SAMD5: variants seen among roughly 807,000 people sequenced by gnomAD.
SAMD5 encodes sterile alpha motif domain-containing protein 5.
In SAMD5, 13 loss-of-function variants were observed where a neutral mutation model predicts 11.3. The observed-to-expected ratio is 1.15, with a 90% CI of 0.75 to 1.83. The LOEUF is 1.83. Ranked by LOEUF, SAMD5 falls within the 40% of genes most tolerant of loss-of-function variation. The pLI, the probability that SAMD5 is intolerant of heterozygous loss-of-function variation, is 0.00. For synonymous variants in SAMD5, 129 were observed against 111.3 expected (o/e 1.16, Z -1.00); for missense variants, 255 against 239.1 (o/e 1.07, Z -0.44).
At chr6:147,909,563 T>TCTTCCTTC in the SAMD5 span, among the ~76,000 whole-genome samples, 10 of 48,958 alleles carry the variant, frequency 2.0e-4, no homozygotes, top group Admixed American at 4.3e-4. Flanking sequence ...CCATCTTTTT[T>TCTTCCTTC]CTTTCTTTCT....
the SAMD5 span, among the ~76,000 whole-genome samples, chr6:147,906,577 C>T: frequency 2.0e-5 from 3 of 152,166 alleles, no homozygotes; most frequent in African/African-American, 7.2e-5. Flanking sequence ...ATGCCCTTTC[C>T]CTGTTGATGC....
intron 1 of SAMD5, among the ~76,000 whole-genome samples, chr6:147,717,182 T>A (rs149707444): frequency 6.6e-6 from 1 of 152,220 alleles, no homozygotes; most frequent in Non-Finnish European, 1.5e-5. Context: ...CTAAAGTAGA[T>A]GCTCAACAAC....
At chr6:147,909,618 T>TTC in the SAMD5 span, among the ~76,000 whole-genome samples, 149 of 76,426 alleles carry the variant, frequency 1.9e-3, 8 homozygotes, top group African/African-American at 9.2e-3. Context: ...CTTTCTTTCT[T>TTC]TCTTTCTTTC....
chr6:147,869,817 A>G, the SAMD5 span, among the ~76,000 whole-genome samples: 3 of 151,748 alleles, frequency 2.0e-5, no homozygotes, highest in African/African-American at 7.3e-5. Flanking sequence ...CCCACTTCAG[A>G]CTCCTGAGTA....
chr6:147,767,989 A>G, the SAMD5 span, among the ~76,000 whole-genome samples: 2 of 152,220 alleles, frequency 1.3e-5, no homozygotes, highest in South Asian at 4.1e-4. Flanking sequence ...GTGGACAAGA[A>G]CAGGTTCTTT....
At chr6:147,626,154 C>G (rs775458602) in intron 1 of SAMD5, among the ~76,000 whole-genome samples, 1 of 152,096 alleles carries the variant, frequency 6.6e-6, no homozygotes. Context: ...CAGCAGCTCT[C>G]TTGTTGACAT....
the SAMD5 span, among the ~76,000 whole-genome samples, chr6:147,897,250 C>T: frequency 7.2e-5 from 11 of 152,128 alleles, no homozygotes; most frequent in African/African-American, 2.7e-4. Context: ...CAGGTTTAGA[C>T]ACAAACTAGA....
chr6:147,914,076 G>A, the SAMD5 span, among the ~76,000 whole-genome samples: 1 of 151,878 alleles, frequency 6.6e-6, no homozygotes, highest in Non-Finnish European at 1.5e-5. Context: ...CCCACAGGCC[G>A]CATACGGCCC....
intron 1 of SAMD5, among the ~76,000 whole-genome samples, chr6:147,644,437 A>G (rs1790366882): frequency 6.6e-6 from 1 of 152,150 alleles, no homozygotes; most frequent in African/African-American, 2.4e-5. Flanking sequence ...TTATTCTTAT[A>G]CTGTTTTGTG....
the SAMD5 span, among the ~76,000 whole-genome samples, chr6:147,878,197 C>T: frequency 6.6e-6 from 1 of 151,874 alleles, no homozygotes; most frequent in Non-Finnish European, 1.5e-5. Flanking sequence ...CTGGGAAGTC[C>T]AAGATCAAGA....
At chr6:147,737,322 A>C (rs1457901647) in exon 2 of SAMD5, 2 of 1,244,474 alleles carry the variant, frequency 1.6e-6, no homozygotes, top group Middle Eastern at 2.3e-4. Flanking sequence ...TCCAGGTATT[A>C]TTATGCCGCT....
At chr6:147,651,017 A>G (rs1179234956) in intron 1 of SAMD5, among the ~76,000 whole-genome samples, 1 of 152,212 alleles carries the variant, frequency 6.6e-6, no homozygotes, top group African/African-American at 2.4e-5. Flanking sequence ...ATAGAGTTGA[A>G]TAAATGGTAG....
intron 1 of SAMD5, among the ~76,000 whole-genome samples, chr6:147,517,240 G>T (rs1358702236): frequency 6.6e-6 from 1 of 152,244 alleles, no homozygotes; most frequent in Non-Finnish European, 1.5e-5. Context: ...ACATAGTGCT[G>T]GAGAGGTAGG....
At chr6:147,528,191 C>T (rs750058749) in intron 1 of SAMD5, among the ~76,000 whole-genome samples, 3 of 152,116 alleles carry the variant, frequency 2.0e-5, no homozygotes, top group Non-Finnish European at 2.9e-5. Flanking sequence ...ACTCAGGAAC[C>T]GGATAAACCA....
the SAMD5 span, among the ~76,000 whole-genome samples, chr6:147,897,001 G>A: frequency 6.6e-6 from 1 of 152,190 alleles, no homozygotes; most frequent in Non-Finnish European, 1.5e-5. Context: ...ATCCATGGTT[G>A]TCTGGAGGTG....
intron 1 of SAMD5, among the ~76,000 whole-genome samples, chr6:147,630,833 G>T (rs1370166991): frequency 1.3e-5 from 2 of 152,086 alleles, no homozygotes; most frequent in African/African-American, 4.8e-5. Flanking sequence ...TTCCTTTTCT[G>T]GTAGAGACAG....
At chr6:147,789,708 A>G in the SAMD5 span, among the ~76,000 whole-genome samples, 1 of 152,146 alleles carries the variant, frequency 6.6e-6, no homozygotes, top group Non-Finnish European at 1.5e-5. Context: ...TATTGTGTTT[A>G]GTCATCAGGT....
chr6:147,775,138 C>T, the SAMD5 span, among the ~76,000 whole-genome samples: 1 of 152,094 alleles, frequency 6.6e-6, no homozygotes, highest in Non-Finnish European at 1.5e-5. Context: ...TCTCAGTCCC[C>T]CAGGTTCACT....
intron 1 of SAMD5, among the ~76,000 whole-genome samples, chr6:147,736,319 A>T (rs112757545): frequency 0.012 from 1,846 of 152,318 alleles, 19 homozygotes; most frequent in Non-Finnish European, 0.019. Context: ...GTATAATGAT[A>T]ATAAGTTCTC....
Sources: allele counts gnomAD v4.1 joint callset (sites outside exome capture counted in the v4.1 genomes callset), GRCh38; gene constraint gnomAD v4.1.1; transcripts MANE v1.5; gene names NCBI Gene and HGNC (gene_info 2026-07-23, HGNC 2026-07-21).